Variants in APBB2 observed in about 807,000 individuals in gnomAD.
APBB2 encodes the protein Fe65-like 1.
APBB2 carries 38 observed loss-of-function variants against 82.5 expected under a neutral mutation model. That is an observed-to-expected ratio of 0.46 (90% CI 0.36 to 0.60). The LOEUF (loss-of-function observed/expected upper bound fraction) is 0.60, where lower values mean the gene tolerates loss of function less well. APBB2 is among the 20% of genes least tolerant of loss of function. The pLI is 0.00. For synonymous variants in APBB2, 341 were observed against 368.2 expected (o/e 0.93, Z 0.85); for missense variants, 772 against 972.3 (o/e 0.79, Z 2.74).
chr4:40,827,211 A>T lies in APBB2; in HGVS notation c.1653T>A (p.Ala551=), dbSNP rs1431055439. 2 of 1,614,168 alleles carry T rather than the reference A, an allele frequency of 1.2e-6. No individual in the cohort carries two copies. Among genetic ancestry groups the T allele is most frequent in the African/African-American group, 1.3e-5 (1 of 75,056 alleles). Residue 551 remains alanine, a synonymous_variant, in exon 14 of 18, where the codon GCT becomes GCA. Transcript: ENST00000508593. Reference sequence around the variant, plus strand: ...CCAGCGCTTTGGCATTCTTCCGTTCAGCCATAATCTAAGGGGGAAAAAGTG... The same window carrying T: ...CCAGCGCTTTGGCATTCTTCCGTTCTGCCATAATCTAAGGGGGAAAAAGTG... ...SLHEICSKIM[A]ERKNAKALAC... is the part of the protein sequence containing the mutation.
chr4:40,940,504 G>C (rs1315907061), intron 7 of APBB2, among the ~76,000 whole-genome samples: 1 of 152,170 alleles, frequency 6.6e-6, no homozygotes, highest in Non-Finnish European at 1.5e-5. Context: ...TTACTTGACT[G>C]AGTGAAGAAG....
At chr4:40,902,123 G>A (rs548851631) in intron 10 of APBB2, among the ~76,000 whole-genome samples, 2 of 152,212 alleles carry the variant, frequency 1.3e-5, no homozygotes, top group South Asian at 2.1e-4. Flanking sequence ...TAATGTTGAT[G>A]AGAAAAAAAT....
At chr4:41,031,062 T>C (rs1258363120) in intron 5 of APBB2, among the ~76,000 whole-genome samples, 1 of 152,120 alleles carries the variant, frequency 6.6e-6, no homozygotes, top group Admixed American at 6.5e-5. Context: ...CTGTCTTTAC[T>C]AAAATTACAA....
chr4:41,110,276 C>T (rs1416488735), intron 2 of APBB2, among the ~76,000 whole-genome samples: 1 of 152,152 alleles, frequency 6.6e-6, no homozygotes, highest in African/African-American at 2.4e-5. Flanking sequence ...ATGGCACAGT[C>T]GTGTTTCTCA....
At chr4:40,955,077 C>T (rs1006825946) in intron 6 of APBB2, among the ~76,000 whole-genome samples, 8 of 152,284 alleles carry the variant, frequency 5.3e-5, no homozygotes, top group South Asian at 2.1e-4. Context: ...CTCCTATAAA[C>T]GCCAAATATT....
rs1350018841 is a variant in APBB2 at position 40,982,291 on chromosome 4, AAGGAAGGAAG to A, written c.835+31282_835+31291del. 3.6e-3 allele frequency among the ~76,000 whole-genome samples: 147 copies of A among 41,126 alleles called. 14 individuals carry two copies. The highest frequency in any genetic ancestry group is 0.016 in the African/African-American group (131 of 8,026). The allele number at this position is 41,126 out of a possible 152,430, so 27.0% of individuals were successfully genotyped here. On this transcript the variant is annotated intron_variant, in intron 6 of 17. Coordinates refer to ENST00000508593, the MANE Select transcript of APBB2 (RefSeq NM_004307.2). Reference sequence around the variant, plus strand: ...GAAAGAAAGAAAGAAAGAAGGAAGGAAGGAAGGAAGGAAGGAAAGAAAGAAAGAAAGAAAA... The same window carrying A: ...GAAAGAAAGAAAGAAAGAAGGAAGGAGAAGGAAAGAAAGAAAGAAAGAAAA...
At chr4:40,852,701 C>T (rs923646796) in intron 12 of APBB2, among the ~76,000 whole-genome samples, 2 of 151,778 alleles carry the variant, frequency 1.3e-5, no homozygotes, top group Non-Finnish European at 2.9e-5. Context: ...AGGGCAGTGG[C>T]GCGATCTCAG....
intron 3 of APBB2, among the ~76,000 whole-genome samples, chr4:41,079,958 T>C (rs962127910): frequency 4.6e-5 from 7 of 152,194 alleles, no homozygotes; most frequent in Non-Finnish European, 1.0e-4. Context: ...AGCTTGTGAA[T>C]CGGGAGCTGC....
At chr4:41,169,133 T>C (rs1007287572) in intron 1 of APBB2, among the ~76,000 whole-genome samples, 8 of 135,220 alleles carry the variant, frequency 5.9e-5, no homozygotes, top group Non-Finnish European at 1.5e-5. Context: ...TGCAGTGAGC[T>C]GAGATTGCGC....
Position 40,826,768 on chromosome 4 carries a change from A to G in APBB2, c.1732+364T>C, listed in dbSNP as rs1180579152. 1 of 200,832 alleles carries G rather than the reference A, an allele frequency of 5.0e-6. No homozygotes were observed. Among genetic ancestry groups the G allele is most frequent in the East Asian group, 1.6e-4 (1 of 6,186 alleles). 12.4% of individuals were successfully genotyped at this position (200,832 alleles called of 1,614,324 possible). A position where few individuals can be genotyped will look rare whatever the true frequency, so the allele number is the denominator to read the frequency against. Reference sequence around the variant, plus strand: ...AACTCACTACCTTCAGACCAGCCCAACCCACGTGTTTTTAAACCAGCCAGG... The same window carrying G: ...AACTCACTACCTTCAGACCAGCCCAGCCCACGTGTTTTTAAACCAGCCAGG... On this transcript the variant is annotated intron_variant, in intron 14 of 17. Transcript: ENST00000508593. The surrounding 1 kb of genome is among the most constrained non-coding windows in gnomAD (Gnocchi z 4.5).
chr4:41,062,790 C>T (rs898139198), intron 4 of APBB2, among the ~76,000 whole-genome samples: 15 of 152,144 alleles, frequency 9.9e-5, no homozygotes, highest in Admixed American at 8.5e-4. Flanking sequence ...ACAGGTAGCA[C>T]GTTTCTGGCA....
intron 2 of APBB2, among the ~76,000 whole-genome samples, chr4:41,132,965 T>C (rs1215160621): frequency 1.3e-5 from 2 of 151,984 alleles, no homozygotes; most frequent in Admixed American, 1.3e-4. Context: ...AGTTAGAAAA[T>C]TCAAATACAG....
chr4:41,048,663 C>G (rs1724336303), intron 4 of APBB2, among the ~76,000 whole-genome samples: 3 of 149,330 alleles, frequency 2.0e-5, no homozygotes, highest in Admixed American at 2.0e-4. Context: ...CTCCCTCTCC[C>G]TCCCGTCTCC....
intron 1 of APBB2, among the ~76,000 whole-genome samples, chr4:41,178,732 A>G (rs907647072): frequency 6.6e-6 from 1 of 152,250 alleles, no homozygotes; most frequent in Admixed American, 6.5e-5. Flanking sequence ...AGAGCAGATG[A>G]GAAAACCAAG....
chr4:41,054,569 G>A (rs1560628219), intron 4 of APBB2, among the ~76,000 whole-genome samples: 1 of 152,184 alleles, frequency 6.6e-6, no homozygotes, highest in Non-Finnish European at 1.5e-5. Context: ...GTTTTCTGCT[G>A]CCAATATCAA....
At chr4:41,152,108 T>A (rs1762414445) in intron 1 of APBB2, among the ~76,000 whole-genome samples, 1 of 152,164 alleles carries the variant, frequency 6.6e-6, no homozygotes, top group Non-Finnish European at 1.5e-5. Flanking sequence ...CACCTATTTC[T>A]AATCTAATTT....
At chr4:40,969,422 A>G (rs1578839806) in intron 6 of APBB2, among the ~76,000 whole-genome samples, 1 of 152,258 alleles carries the variant, frequency 6.6e-6, no homozygotes, top group East Asian at 1.9e-4. Flanking sequence ...ACACAATGCT[A>G]TCAAGAGTTT....
intron 4 of APBB2, among the ~76,000 whole-genome samples, chr4:41,056,695 C>T (rs1227236332): frequency 6.6e-6 from 1 of 152,152 alleles, no homozygotes; most frequent in Non-Finnish European, 1.5e-5. Context: ...GCACTGGTCA[C>T]CCTATCTCCT....
intron 10 of APBB2, among the ~76,000 whole-genome samples, chr4:40,914,425 G>A (rs2154364574): frequency 6.6e-6 from 1 of 152,168 alleles, no homozygotes; most frequent in East Asian, 1.9e-4. Flanking sequence ...AGTGGCTCAC[G>A]CCTGTAGTCC....
Sources: allele counts gnomAD v4.1 joint callset (sites outside exome capture counted in the v4.1 genomes callset), GRCh38; gene constraint gnomAD v4.1.1; non-coding constraint Gnocchi (gnomAD v3.1); transcripts MANE v1.5; gene names NCBI Gene and HGNC (gene_info 2026-07-23, HGNC 2026-07-21).